BOD1L2: variants seen among roughly 807,000 people sequenced by gnomAD.
BOD1L2 encodes biorientation of chromosomes in cell division protein 1-like 2.
Under a neutral mutation model 5.3 loss-of-function variants are expected in BOD1L2, and 6 were observed. The ratio of observed to expected loss-of-function variants is 1.14; its 90% confidence interval spans 0.62 to 2.25. The LOEUF (loss-of-function observed/expected upper bound fraction) is 2.25, where lower values mean the gene tolerates loss of function less well. Ranked by LOEUF, BOD1L2 falls within the 30% of genes most tolerant of loss-of-function variation. The probability of loss-of-function intolerance (pLI) is 0.00; values close to 1 mark genes in which losing one functional copy is unlikely to be tolerated. For synonymous variants in BOD1L2, 96 were observed against 96.3 expected (o/e 1.00, Z 0.02); for missense variants, 210 against 227.2 (o/e 0.92, Z 0.49).
At position 57,147,786 on chromosome 18, in the gene BOD1L2, G is replaced by A; in HGVS notation, c.474G>A (p.Glu158=). 1.2e-6 allele frequency: 2 copies of A among 1,613,726 alleles called. No homozygotes were observed. The highest frequency in any genetic ancestry group is 2.2e-5 in the South Asian group (2 of 91,048). ...CAGCTGTGCCAGCACTCCCTCCAGA[G>A]CCAGAAGGCCAGGACCCTCCAGCTC... is the stretch of plus-strand genomic sequence containing the variant. The part of the protein sequence containing the change: ...KEAAVPALPP[E]PEGQDPPAPS... Residue 158 remains glutamate (E), a synonymous_variant, in exon 1 of 1, where the codon GAG becomes GAA. Transcript: ENST00000585477.
rs912572659 is a variant in BOD1L2 at position 57,147,609 on chromosome 18, C to T, written c.297C>T (p.His99=). The T allele has an allele frequency of 4.3e-6, 7 of 1,611,656 alleles. No homozygotes were observed. The highest frequency in any genetic ancestry group is 4.0e-5 in the African/African-American group (3 of 74,768). The change falls in exon 1 of 1, where the codon CAC becomes CAT. Residue 99 remains histidine (H), a synonymous_variant. Transcript: ENST00000585477. ...WNPPANDNQL[H]DGLRQSVVQS... ...CTCCAGCAAACGACAACCAACTGCA[C>T]GATGGTCTGAGGCAGAGTGTGGTTC...
At position 57,149,532 on chromosome 18, in the gene BOD1L2, C is replaced by T. The variant is rs2048944807; in HGVS notation, c.*1701C>T. ...TACCTATGAGCTATTTTAAATGATT[C>T]TTCAAAATTTAGAGTCCAGAAGGTA... On this transcript the variant is annotated 3_prime_UTR_variant, in exon 1 of 1. Coordinates refer to ENST00000585477, the MANE Select transcript of BOD1L2 (RefSeq NM_001257964.2). 2 of 152,146 alleles carry T rather than the reference C, an allele frequency of 1.3e-5. No homozygotes were observed. The highest frequency in any genetic ancestry group is 4.1e-4 in the South Asian group (2 of 4,830). 9.4% of individuals were successfully genotyped at this position (152,146 alleles called of 1,614,324 possible).
chr18:57,147,282 A>G lies in BOD1L2; in HGVS notation c.-31A>G, dbSNP rs1411855646. The G allele has an allele frequency of 1.7e-6, 2 of 1,152,420 alleles. No individual in the cohort carries two copies. Among genetic ancestry groups the G allele is most frequent in the Non-Finnish European group, 2.1e-6 (2 of 939,930 alleles). 71.4% of individuals were successfully genotyped at this position (1,152,420 alleles called of 1,614,324 possible). A position where few individuals can be genotyped will look rare whatever the true frequency, so the allele number is the denominator to read the frequency against. ...TTTCTGTCCTGGAGAAGAAGCTATAATCGGTTTCCTTGTGGGCCCGGTGCG... is the reference window on the plus strand; with the variant it reads ...TTTCTGTCCTGGAGAAGAAGCTATAGTCGGTTTCCTTGTGGGCCCGGTGCG... On this transcript the variant is annotated 5_prime_UTR_variant, in exon 1 of 1. Transcript: ENST00000585477.
In BOD1L2 at chr18:57,148,571, T is replaced by C. The variant is rs1279323493; in HGVS notation, c.*740T>C. On this transcript the variant is annotated 3_prime_UTR_variant, in exon 1 of 1. Transcript: ENST00000585477. ...ATTTGTGTTTTATTTGAAAAGTGGA[T>C]GGTCAATAAATGGCTTATCTTTCAA... 6.6e-6 allele frequency: 1 copy of C among 152,232 alleles called. No individual in the cohort carries two copies. The highest frequency in any genetic ancestry group is 1.5e-5 in the Non-Finnish European group (1 of 68,044). The allele number at this position is 152,232 out of a possible 1,614,324, so 9.4% of individuals were successfully genotyped here. A position where few individuals can be genotyped will look rare whatever the true frequency, so the allele number is the denominator to read the frequency against.
Position 57,147,213 on chromosome 18 carries a change from C to T in BOD1L2, c.-100C>T. On this transcript the variant is annotated 5_prime_UTR_variant, in exon 1 of 1. Transcript: ENST00000585477. ...CCTCCGCCGCTGCCTCCTTGGGGCC[C>T]TCCTCCTTCACCGCCCCCTTAGCCA... The T allele has an allele frequency of 9.3e-7, 1 of 1,078,032 alleles. No individual in the cohort carries two copies. The highest frequency in any genetic ancestry group is 1.1e-6 in the Non-Finnish European group (1 of 888,134). The allele number at this position is 1,078,032 out of a possible 1,614,324, so 66.8% of individuals were successfully genotyped here. A position where few individuals can be genotyped will look rare whatever the true frequency, so the allele number is the denominator to read the frequency against.
Position 57,147,400 on chromosome 18 carries a change from T to C in BOD1L2, c.88T>C (p.Ser30Pro), listed in dbSNP as rs2048928149. The change falls in exon 1 of 1, where the codon TCG (serine) becomes CCG (proline). Residue 30 changes from serine to proline, a missense_variant. Coordinates refer to ENST00000585477, the MANE Select transcript of BOD1L2 (RefSeq NM_001257964.2). ...SGGGGPINPA[S>P]LPPGDPQLIA... The stretch of plus-strand genomic sequence containing the variant: ...GGGCGGCGGCCCCATCAACCCGGCC[T>C]CGTTGCCCCCTGGCGACCCTCAGCT... 4.6e-6 allele frequency: 7 copies of C among 1,536,460 alleles called. No individual in the cohort carries two copies. In the East Asian group the frequency reaches 1.7e-4, roughly 38 times the overall value.
Position 57,147,926 on chromosome 18 carries a change from C to A in BOD1L2, c.*95C>A. 2 of 1,284,734 alleles carry A rather than the reference C, an allele frequency of 1.6e-6. No individual in the cohort carries two copies. Among genetic ancestry groups the A allele is most frequent in the South Asian group, 3.0e-5 (2 of 65,810 alleles). 79.6% of individuals were successfully genotyped at this position (1,284,734 alleles called of 1,614,324 possible). On this transcript the variant is annotated 3_prime_UTR_variant, in exon 1 of 1. Coordinates refer to ENST00000585477, the MANE Select transcript of BOD1L2 (RefSeq NM_001257964.2). The stretch of plus-strand genomic sequence containing the variant: ...GTGCAGTTTCAGATTGAAGATAAGC[C>A]AAGTTCATCACTGAGCTCAAGATTT...
In BOD1L2 at chr18:57,147,804, T is replaced by A; in HGVS notation, c.492T>A (p.Pro164=). Residue 164 remains proline, a synonymous_variant, in exon 1 of 1, where the codon CCT becomes CCA. Coordinates refer to ENST00000585477, the MANE Select transcript of BOD1L2 (RefSeq NM_001257964.2). Reference sequence around the variant, plus strand: ...CTCCAGAGCCAGAAGGCCAGGACCCTCCAGCTCCGTCTCAGGACACTTCCT... The same window carrying A: ...CTCCAGAGCCAGAAGGCCAGGACCCACCAGCTCCGTCTCAGGACACTTCCT... ...ALPPEPEGQD[P]PAPSQDTS 6.2e-7 allele frequency: 1 copy of A among 1,612,182 alleles called. No individual in the cohort carries two copies. Among genetic ancestry groups the A allele is most frequent in the Non-Finnish European group, 8.5e-7 (1 of 1,179,088 alleles).
Position 57,147,908 on chromosome 18 carries a change from T to G in BOD1L2, c.*77T>G. 7.1e-7 allele frequency: 1 copy of G among 1,416,648 alleles called. No homozygotes were observed. Among genetic ancestry groups the G allele is most frequent in the Non-Finnish European group, 9.5e-7 (1 of 1,054,494 alleles). 87.8% of individuals were successfully genotyped at this position (1,416,648 alleles called of 1,614,324 possible). ...GGATTCGGTTACATAAGAGTGCAGT[T>G]TCAGATTGAAGATAAGCCAAGTTCA... On this transcript the variant is annotated 3_prime_UTR_variant, in exon 1 of 1. Coordinates refer to ENST00000585477, the MANE Select transcript of BOD1L2 (RefSeq NM_001257964.2).
In BOD1L2 at chr18:57,149,091, A is replaced by T. The variant is rs2048943056; in HGVS notation, c.*1260A>T. On this transcript the variant is annotated 3_prime_UTR_variant, in exon 1 of 1. Transcript: ENST00000585477. ...TATTCCCATTTTTATTCCCATTTAT[A>T]AATGTAGAAACCAAAGCTCAGACAC... 6.6e-6 allele frequency: 1 copy of T among 152,228 alleles called. No individual in the cohort carries two copies. 9.4% of individuals were successfully genotyped at this position (152,228 alleles called of 1,614,324 possible). A position where few individuals can be genotyped will look rare whatever the true frequency, so the allele number is the denominator to read the frequency against.
rs376920670 is a variant in BOD1L2 at position 57,147,415 on chromosome 18, G to C, written c.103G>C (p.Asp35His). 16 of 1,539,508 alleles carry C rather than the reference G, an allele frequency of 1.0e-5. No individual in the cohort carries two copies. The highest frequency in any genetic ancestry group is 8.2e-5 in the African/African-American group (6 of 73,062). ...CAACCCGGCCTCGTTGCCCCCTGGCGACCCTCAGCTCATCGCTATCATCGT... is the reference window on the plus strand; with the variant it reads ...CAACCCGGCCTCGTTGCCCCCTGGCCACCCTCAGCTCATCGCTATCATCGT... Reference protein sequence around the residue: ...PINPASLPPGDPQLIAIIVGQ... With the variant: ...PINPASLPPGHPQLIAIIVGQ... The change falls in exon 1 of 1, where the codon GAC (aspartate) becomes CAC (histidine). Residue 35 changes from aspartate to histidine, a missense_variant. Physicochemically the swap from Asp to His is moderately conservative, Grantham distance 81 (BLOSUM62 -1). Transcript: ENST00000585477.
In BOD1L2 at chr18:57,147,997, C is replaced by A; in HGVS notation, c.*166C>A. On this transcript the variant is annotated 3_prime_UTR_variant, in exon 1 of 1. Coordinates refer to ENST00000585477, the MANE Select transcript of BOD1L2 (RefSeq NM_001257964.2). Reference sequence around the variant, plus strand: ...GACCAGATTGAAAGGGAAGCAAGTTCGCCAGAGAGAAAGTTGACCGTGGCA... The same window carrying A: ...GACCAGATTGAAAGGGAAGCAAGTTAGCCAGAGAGAAAGTTGACCGTGGCA... 1 of 814,074 alleles carries A rather than the reference C, an allele frequency of 1.2e-6. No individual in the cohort carries two copies. The allele number at this position is 814,074 out of a possible 1,614,324, so 50.4% of individuals were successfully genotyped here.
Position 57,147,286 on chromosome 18 carries a change from G to A in BOD1L2, c.-27G>A. 8 of 1,155,266 alleles carry A rather than the reference G, an allele frequency of 6.9e-6. No individual in the cohort carries two copies. The highest frequency in any genetic ancestry group is 8.5e-6 in the Non-Finnish European group (8 of 941,718). 71.6% of individuals were successfully genotyped at this position (1,155,266 alleles called of 1,614,324 possible). Reference sequence around the variant, plus strand: ...TGTCCTGGAGAAGAAGCTATAATCGGTTTCCTTGTGGGCCCGGTGCGCAGC... The same window carrying A: ...TGTCCTGGAGAAGAAGCTATAATCGATTTCCTTGTGGGCCCGGTGCGCAGC... On this transcript the variant is annotated 5_prime_UTR_variant, in exon 1 of 1. Coordinates refer to ENST00000585477, the MANE Select transcript of BOD1L2 (RefSeq NM_001257964.2).
chr18:57,149,615 A>G lies in BOD1L2; in HGVS notation c.*1784A>G, dbSNP rs1217223654. ...CTTTCCCAGGTACCAGGCTCTTTTT[A>G]AAATTAGCTTCTGAATATGAACAAC... On this transcript the variant is annotated 3_prime_UTR_variant, in exon 1 of 1. Coordinates refer to ENST00000585477, the MANE Select transcript of BOD1L2 (RefSeq NM_001257964.2). 6.6e-6 allele frequency: 1 copy of G among 152,216 alleles called. No homozygotes were observed. The highest frequency in any genetic ancestry group is 1.5e-5 in the Non-Finnish European group (1 of 68,034). 9.4% of individuals were successfully genotyped at this position (152,216 alleles called of 1,614,324 possible).
rs1158411045 is a variant in BOD1L2 at position 57,148,183 on chromosome 18, A to G, written c.*352A>G. On this transcript the variant is annotated 3_prime_UTR_variant, in exon 1 of 1. Coordinates refer to ENST00000585477, the MANE Select transcript of BOD1L2 (RefSeq NM_001257964.2). ...CATGGATTTTAGGGTTTGTGCTCTG[A>G]GATAAACGAAAGCTACAGCGAGAGA... 1.0e-5 allele frequency: 2 copies of G among 194,104 alleles called. No individual in the cohort carries two copies. The highest frequency in any genetic ancestry group is 2.2e-5 in the Non-Finnish European group (2 of 92,820). The allele number at this position is 194,104 out of a possible 1,614,324, so 12.0% of individuals were successfully genotyped here.
chr18:57,149,297 T>C lies in BOD1L2; in HGVS notation c.*1466T>C, dbSNP rs920924802. On this transcript the variant is annotated 3_prime_UTR_variant, in exon 1 of 1. Transcript: ENST00000585477. ...GCAGGGATTTGCTTTGTTCATTTCT[T>C]TTCCTTAACCCCAGGACCTAGCACA... 2 of 152,258 alleles carry C rather than the reference T, an allele frequency of 1.3e-5. No homozygotes were observed. The highest frequency in any genetic ancestry group is 4.8e-5 in the African/African-American group (2 of 41,466). 9.4% of individuals were successfully genotyped at this position (152,258 alleles called of 1,614,324 possible). A position where few individuals can be genotyped will look rare whatever the true frequency, so the allele number is the denominator to read the frequency against.
At position 57,149,764 on chromosome 18, in the gene BOD1L2, C is replaced by CT. The variant is rs1443124037; in HGVS notation, c.*1936dup. 1 of 152,204 alleles carries CT rather than the reference C, an allele frequency of 6.6e-6. No individual in the cohort carries two copies. Among genetic ancestry groups the CT allele is most frequent in the African/African-American group, 2.4e-5 (1 of 41,452 alleles). The allele number at this position is 152,204 out of a possible 1,614,324, so 9.4% of individuals were successfully genotyped here. On this transcript the variant is annotated 3_prime_UTR_variant, in exon 1 of 1. Coordinates refer to ENST00000585477, the MANE Select transcript of BOD1L2 (RefSeq NM_001257964.2). ...TCCTTTTTACAAAAACAGCTAAGCTCTTTCTGAGATTTAAAATCACTCCAT... is the reference window on the plus strand; with the variant it reads ...TCCTTTTTACAAAAACAGCTAAGCTCTTTTCTGAGATTTAAAATCACTCCAT...
Position 57,150,189 on chromosome 18 carries a change from C to T in BOD1L2, c.*2358C>T, listed in dbSNP as rs2048947546. The T allele has an allele frequency of 1.3e-5, 2 of 152,172 alleles. No individual in the cohort carries two copies. Among genetic ancestry groups the T allele is most frequent in the Non-Finnish European group, 2.9e-5 (2 of 68,034 alleles). 9.4% of individuals were successfully genotyped at this position (152,172 alleles called of 1,614,324 possible). ...AGTTTGCCAAATCTGCCAACCATAG[C>T]CTGAATGCTTCCCGTTCCCACCATG... is the stretch of plus-strand genomic sequence containing the variant. On this transcript the variant is annotated 3_prime_UTR_variant, in exon 1 of 1. Transcript: ENST00000585477.
In BOD1L2 at chr18:57,147,120, C is replaced by T. The variant is rs577229893; in HGVS notation, c.-193C>T. The T allele has an allele frequency of 1.6e-5, 12 of 755,068 alleles. No homozygotes were observed. Among genetic ancestry groups the T allele is most frequent in the South Asian group, 6.2e-5 (1 of 16,046 alleles). The allele number at this position is 755,068 out of a possible 1,614,324, so 46.8% of individuals were successfully genotyped here. On this transcript the variant is annotated 5_prime_UTR_variant, in exon 1 of 1. Coordinates refer to ENST00000585477, the MANE Select transcript of BOD1L2 (RefSeq NM_001257964.2). ...GCTGCCGCGTCTTCCACAACCTCCG[C>T]GGTCTGGAGCTGGCCTCCCCCACCG...
Sources: gnomAD v4.1 joint callset for allele counts on GRCh38, gnomAD v4.1.1 for gene constraint, MANE v1.5 for transcripts, NCBI Gene and HGNC (gene_info 2026-07-23, HGNC 2026-07-21) for gene names.